Variants in ZC3H7B observed in about 807,000 individuals in gnomAD.
The protein encoded by ZC3H7B is zinc finger CCCH domain-containing protein 7B.
A neutral mutation model predicts 116.0 loss-of-function variants in ZC3H7B; 35 were observed. The ratio of observed to expected loss-of-function variants is 0.30; its 90% CI spans 0.23 to 0.40. The LOEUF is 0.40. Ranked by LOEUF, ZC3H7B falls within the 10% of genes least tolerant of loss-of-function variation. ZC3H7B has a pLI of 1.00. For missense variants in ZC3H7B, 1,011 were observed against 1,321.5 expected, an observed-to-expected ratio of 0.77 and a Z score of 3.64; for synonymous variants, 502 against 545.6, an observed-to-expected ratio of 0.92 and a Z score of 1.11.
intron 7 of ZC3H7B, chr22:41,332,620 G>A (rs571424113): frequency 1.8e-4 from 35 of 190,510 alleles, no homozygotes; most frequent in South Asian, 1.6e-3. Context: ...CTGTCTTTTC[G>A]CTTTTCAAAG....
At chr22:41,350,243 T>C (rs57976440) in intron 16 of ZC3H7B, among the ~76,000 whole-genome samples, 4,278 of 152,208 alleles carry the variant, frequency 0.028, 178 homozygotes, top group African/African-American at 0.097. Flanking sequence ...GTAGAGCAGC[T>C]TAGTCAGTAG....
chr22:41,327,333 G>A lies in ZC3H7B; in HGVS notation c.413G>A (p.Cys138Tyr). 2 of 1,612,754 alleles carry A rather than the reference G, an allele frequency of 1.2e-6. No individual in the cohort carries two copies. The highest frequency in any genetic ancestry group is 1.7e-6 in the Non-Finnish European group (2 of 1,180,032). ...ELGRHKEAYECSSRCSLALPH... is the reference protein window; with the variant it reads ...ELGRHKEAYEYSSRCSLALPH... ...GGACGCCACAAGGAGGCCTACGAGT[G>A]CAGCAGCCGGTGTTCCCTCGCCCTG... Residue 138 changes from cysteine to tyrosine, a missense_variant, in exon 5 of 23, where the codon TGC becomes TAC. Cys to Tyr is a radical substitution (Grantham distance 194, BLOSUM62 -2). Coordinates refer to ENST00000352645, the MANE Select transcript of ZC3H7B (RefSeq NM_017590.6). This position sits in a 1 kb window ranked among gnomAD's most constrained non-coding sequence, Gnocchi z 4.5.
rs148394962 is a variant in ZC3H7B, at chr22:41,330,707, C to T, written c.525+604C>T. 1.6e-3 allele frequency among the ~76,000 whole-genome samples: 244 copies of T among 152,052 alleles called. 7 individuals carry two copies. In the East Asian group the frequency reaches 0.045, roughly 28 times the overall value. On this transcript the variant is annotated intron_variant, in intron 6 of 22. Transcript: ENST00000352645. ...CTGTAATCCCAGCACGTTGGGAGGC[C>T]AAGGCGGGCAGATCACCTGAGGTCA...
chr22:41,318,906 C>A (rs2036217350), intron 1 of ZC3H7B, among the ~76,000 whole-genome samples: 1 of 152,156 alleles, frequency 6.6e-6, no homozygotes, highest in Non-Finnish European at 1.5e-5. Context: ...TTCCCTCTGC[C>A]CGGAGCCCTT....
intron 13 of ZC3H7B, 110 bp downstream of exon 13, chr22:41,343,686 G>T: frequency 7.2e-7 from 1 of 1,382,692 alleles, no homozygotes; most frequent in Non-Finnish European, 9.5e-7. Context: ...GGGCCTCACA[G>T]CTGCACGGGA....
chr22:41,353,626 T>C (rs2281333), intron 17 of ZC3H7B, among the ~76,000 whole-genome samples: 60,833 of 152,142 alleles, frequency 0.4, 15,150 homozygotes, highest in African/African-American at 0.67. Flanking sequence ...TGAGGCCACC[T>C]GCTGATTAAC....
intron 1 of ZC3H7B, among the ~76,000 whole-genome samples, chr22:41,310,304 AG>A (rs1252691921): frequency 6.6e-6 from 1 of 152,144 alleles, no homozygotes; most frequent in Non-Finnish European, 1.5e-5. Flanking sequence ...TGACCCCTTC[AG>A]GGGGAGGCAC....
At chr22:41,312,805 G>A (rs891729635) in intron 1 of ZC3H7B, among the ~76,000 whole-genome samples, 20 of 152,072 alleles carry the variant, frequency 1.3e-4, no homozygotes, top group African/African-American at 4.8e-4. Flanking sequence ...CAGCTACTTG[G>A]GAGGCTGAGG....
At chr22:41,337,148 A>G (rs142343307) in intron 7 of ZC3H7B, among the ~76,000 whole-genome samples, 1 of 151,984 alleles carries the variant, frequency 6.6e-6, no homozygotes, top group Admixed American at 6.6e-5. Flanking sequence ...AAAAAGAATA[A>G]ATAAAAATAC....
chr22:41,338,254 C>A lies in ZC3H7B; in HGVS notation c.583-59C>A. On this transcript the variant is annotated intron_variant, in intron 7 of 22. Transcript: ENST00000352645. The surrounding 1 kb of genome is among the most constrained non-coding windows in gnomAD (Gnocchi z 4.5). ...ATAGTCACGTGGGGAGGGGCTGGTG[C>A]TGGGTGCTGGGATCGGGGCCTTCCC... 1 of 1,573,308 alleles carries A rather than the reference C, an allele frequency of 6.4e-7. No homozygotes were observed. Among genetic ancestry groups the A allele is most frequent in the East Asian group, 2.3e-5 (1 of 44,102 alleles).
chr22:41,348,003 G>T (rs773292874), intron 14 of ZC3H7B, 64 bp from the exon 15 acceptor site: 64 of 1,399,264 alleles, frequency 4.6e-5, no homozygotes, highest in East Asian at 3.4e-4. Context: ...AGCTGTGTGG[G>T]GTCCCAGCTC....
In ZC3H7B at chr22:41,356,717, G is replaced by A. The variant is rs1187239623; in HGVS notation, c.2590G>A (p.Glu864Lys). Residue 864 changes from glutamate to lysine, a missense_variant, in exon 22 of 23, where the codon GAG becomes AAG. Around this residue, in one of 5 missense-constraint regions of ZC3H7B, gnomAD observed 406 missense variants for 590.2 expected, o/e 0.69. Coordinates refer to ENST00000352645, the MANE Select transcript of ZC3H7B (RefSeq NM_017590.6). The stretch of plus-strand genomic sequence containing the variant: ...GCAGTGGCAGCAGCACATCCAGTCC[G>A]AGAAGCACAAGGAGAAGGTCTTCAC... The part of the protein sequence containing the change: ...KKQWQQHIQS[E>K]KHKEKVFTSD... 1 of 1,613,524 alleles carries A rather than the reference G, an allele frequency of 6.2e-7. No individual in the cohort carries two copies.
At position 41,341,066 on chromosome 22, in the gene ZC3H7B, CCT is replaced by C. The variant is rs758578256; in HGVS notation, c.1139-21_1139-20del. 1.2e-6 allele frequency: 2 copies of C among 1,611,260 alleles called. No individual in the cohort carries two copies. The highest frequency in any genetic ancestry group is 1.3e-5 in the African/African-American group (1 of 74,932). The stretch of plus-strand genomic sequence containing the variant: ...CGCCTCAGAGCCAGAGCCACTGACC[CCT>C]GTGTCTTCTCCCTGCCCAGAGGAGA... On this transcript the variant is annotated intron_variant, in intron 10 of 22. Transcript: ENST00000352645.
At chr22:41,336,832 A>G (rs2036454685) in intron 7 of ZC3H7B, 1 of 151,800 alleles carries the variant, frequency 6.6e-6, no homozygotes. Context: ...TGACCAAACG[A>G]GACTCCATCT....
At position 41,339,043 on chromosome 22, in the gene ZC3H7B, C is replaced by T; in HGVS notation, c.668C>T (p.Ser223Phe). The T allele has an allele frequency of 6.2e-7, 1 of 1,607,860 alleles. No homozygotes were observed. Among genetic ancestry groups the T allele is most frequent in the South Asian group, 1.1e-5 (1 of 90,048 alleles). ...DPRGSPALLP[S>F]TPTMPLFPHV... ...CGAGGCTCCCCAGCCCTTCTCCCCT[C>T]CACGCCCACGATGCCCCTGTTCCCT... Residue 223 changes from serine (S) to phenylalanine (F), a missense_variant, in exon 9 of 23, where the codon TCC (serine) becomes TTC (phenylalanine). Physicochemically the swap from Ser to Phe is radical, Grantham distance 155. Transcript: ENST00000352645.
intron 2 of ZC3H7B, among the ~76,000 whole-genome samples, chr22:41,325,090 A>T (rs2036300851): frequency 6.6e-6 from 1 of 152,144 alleles, no homozygotes; most frequent in Non-Finnish European, 1.5e-5. Flanking sequence ...TAACTGAGAA[A>T]GGGCTTGGAA....
intron 18 of ZC3H7B, 49 bp downstream of exon 18, chr22:41,355,651 C>T (rs756876502): frequency 2.5e-6 from 4 of 1,612,456 alleles, no homozygotes; most frequent in Non-Finnish European, 2.5e-6. Context: ...GCCACCCTAC[C>T]ACCACAGGTG....
intron 7 of ZC3H7B, chr22:41,333,664 T>C (rs2145922715): frequency 6.6e-6 from 1 of 152,228 alleles, no homozygotes; most frequent in Middle Eastern, 3.4e-3. Context: ...ACATACCAGG[T>C]GCTCCAACGA....
In ZC3H7B at chr22:41,349,914, C is replaced by CT. The variant is rs2036636316; in HGVS notation, c.1948+614dup. Among the ~76,000 whole-genome samples the CT allele has an allele frequency of 6.6e-6, 1 of 152,174 alleles. No individual in the cohort carries two copies. Among genetic ancestry groups the CT allele is most frequent in the African/African-American group, 2.4e-5 (1 of 41,430 alleles). ...TAGGATGCACATTTACCCCTACTGC[C>CT]TGTCATCATTTAATTAGCAGCATTT... On this transcript the variant is annotated intron_variant, in intron 16 of 22. Coordinates refer to ENST00000352645, the MANE Select transcript of ZC3H7B (RefSeq NM_017590.6). This position sits in a 1 kb window ranked among gnomAD's most constrained non-coding sequence, Gnocchi z 4.9.
Sources: allele counts gnomAD v4.1 joint callset (sites outside exome capture counted in the v4.1 genomes callset), GRCh38; gene constraint gnomAD v4.1.1; regional missense constraint gnomAD v4.1.1; non-coding constraint Gnocchi (gnomAD v3.1); transcripts MANE v1.5; gene names NCBI Gene and HGNC (gene_info 2026-07-23, HGNC 2026-07-21).